The following PTPRM variants were observed in gnomAD, a reference collection of about 807,000 sequenced individuals.
The protein encoded by PTPRM is protein tyrosine phosphatase receptor type M, also known as receptor-type tyrosine-protein phosphatase mu.
PTPRM carries 47 observed loss-of-function variants against 186.7 expected under a neutral mutation model. The observed-to-expected ratio is 0.25, with a 90% confidence interval of 0.20 to 0.32. The LOEUF (loss-of-function observed/expected upper bound fraction) is 0.32, where lower values mean the gene tolerates loss of function less well. Among genes scored for constraint, PTPRM ranks in the 10% least tolerant of loss-of-function variants. The pLI is 1.00. For synonymous variants in PTPRM, 668 were observed against 674.9 expected (o/e 0.99, Z 0.16); for missense variants, 1,494 against 1,865.0 (o/e 0.80, Z 3.66).
At chr18:7,684,480 A>G (rs9962615) in intron 1 of PTPRM, among the ~76,000 whole-genome samples, 1 of 152,084 alleles carries the variant, frequency 6.6e-6, no homozygotes, top group Non-Finnish European at 1.5e-5. Context: ...GAAACTTTAT[A>G]CCTGCTGATT....
intron 19 of PTPRM, among the ~76,000 whole-genome samples, chr18:8,253,984 G>C (rs960510744): frequency 2.0e-5 from 3 of 151,306 alleles, no homozygotes; most frequent in African/African-American, 7.3e-5. Context: ...CCCCATTCTT[G>C]ATCACCTTTC....
At chr18:7,905,791 T>C (rs2049948178) in intron 3 of PTPRM, among the ~76,000 whole-genome samples, 1 of 152,224 alleles carries the variant, frequency 6.6e-6, no homozygotes, top group Non-Finnish European at 1.5e-5. Context: ...CACTGCACTC[T>C]TCTTTCATTA....
At chr18:8,224,303 A>G (rs976747823) in intron 14 of PTPRM, among the ~76,000 whole-genome samples, 2 of 152,242 alleles carry the variant, frequency 1.3e-5, no homozygotes, top group African/African-American at 4.8e-5. Flanking sequence ...CAATCACAAG[A>G]AAAGGGGAAA....
chr18:7,822,770 G>A (rs1234807071), intron 2 of PTPRM, among the ~76,000 whole-genome samples: 1 of 152,116 alleles, frequency 6.6e-6, no homozygotes, highest in Non-Finnish European at 1.5e-5. Context: ...TTTTGTCCCT[G>A]TCACCTGAAA....
chr18:8,125,230 T>C (rs2092302041), intron 13 of PTPRM, among the ~76,000 whole-genome samples: 1 of 149,712 alleles, frequency 6.7e-6, no homozygotes, highest in African/African-American at 2.5e-5. Context: ...AAAAAAGTGC[T>C]CATAAATATT....
chr18:8,369,735 C>T (rs369135504), intron 23 of PTPRM, among the ~76,000 whole-genome samples: 13 of 152,244 alleles, frequency 8.5e-5, no homozygotes, highest in Admixed American at 4.6e-4. Context: ...GCAGGAGGAT[C>T]GCTTGAGGCC....
chr18:8,340,102 G>C (rs911386059), intron 22 of PTPRM, among the ~76,000 whole-genome samples: 6 of 152,220 alleles, frequency 3.9e-5, no homozygotes, highest in Admixed American at 3.3e-4. Flanking sequence ...CCACCACAGT[G>C]ACCAGGCCAG....
chr18:7,801,569 A>G (rs2043970454), intron 2 of PTPRM, among the ~76,000 whole-genome samples: 1 of 152,198 alleles, frequency 6.6e-6, no homozygotes, highest in African/African-American at 2.4e-5. Context: ...AATAACAACA[A>G]AAGTATAGTA....
At chr18:7,745,270 T>G (rs1460256902) in intron 1 of PTPRM, among the ~76,000 whole-genome samples, 1 of 152,168 alleles carries the variant, frequency 6.6e-6, no homozygotes, top group African/African-American at 2.4e-5. Context: ...GGACCATATA[T>G]CTGGCCAGCT....
At chr18:8,375,991 T>G in intron 24 of PTPRM, 55 bp from the exon 25 acceptor site, 2 of 1,533,098 alleles carry the variant, frequency 1.3e-6, no homozygotes, top group Non-Finnish European at 1.8e-6. Context: ...CCCTGCTTAT[T>G]TGTGGTTTGT....
At chr18:7,619,649 C>T (rs973242853) in intron 1 of PTPRM, among the ~76,000 whole-genome samples, 5 of 152,196 alleles carry the variant, frequency 3.3e-5, no homozygotes, top group African/African-American at 4.8e-5. Flanking sequence ...TTCACGCTCT[C>T]GTCATCTGTT....
intron 7 of PTPRM, among the ~76,000 whole-genome samples, chr18:8,022,403 A>G (rs1464073331): frequency 2.0e-5 from 3 of 152,236 alleles, no homozygotes; most frequent in Non-Finnish European, 2.9e-5. Flanking sequence ...CAGAGAAGGC[A>G]TGGAAGCTTG....
intron 19 of PTPRM, among the ~76,000 whole-genome samples, chr18:8,254,694 A>C (rs780214517): frequency 6.6e-6 from 1 of 152,128 alleles, no homozygotes; most frequent in Non-Finnish European, 1.5e-5. Flanking sequence ...ACAACACTTC[A>C]TTTTATGCCC....
chr18:8,201,539 G>A (rs193118866), intron 14 of PTPRM, among the ~76,000 whole-genome samples: 5 of 152,178 alleles, frequency 3.3e-5, no homozygotes, highest in East Asian at 1.9e-4. Flanking sequence ...AACAAAATAC[G>A]ATAGACTGGG....
intron 19 of PTPRM, among the ~76,000 whole-genome samples, chr18:8,278,947 A>G (rs1407351890): frequency 1.3e-5 from 2 of 152,050 alleles, no homozygotes; most frequent in Non-Finnish European, 2.9e-5. Context: ...CAAGAGGGGG[A>G]GGGATAGCAT....
In PTPRM at chr18:8,248,043, G is replaced by T. The variant is rs12964764; in HGVS notation, c.2528-107G>T. The T allele has an allele frequency of 0.26, 352,312 of 1,357,864 alleles. 47,775 individuals carry two copies. Among genetic ancestry groups the T allele is most frequent in the Middle Eastern group, 0.41 (2,272 of 5,580 alleles). 84.1% of individuals were successfully genotyped at this position (1,357,864 alleles called of 1,614,324 possible). A position where few individuals can be genotyped will look rare whatever the true frequency, so the allele number is the denominator to read the frequency against. On this transcript the variant is annotated intron_variant, in intron 16 of 32. Transcript: ENST00000580170. ...TGTTTGAGATGTTGTAACCCAATGCGTTTCTACAGCTTTCTATGCAGAAAA... is the reference window on the plus strand; with the variant it reads ...TGTTTGAGATGTTGTAACCCAATGCTTTTCTACAGCTTTCTATGCAGAAAA...
chr18:8,196,185 C>A lies in PTPRM; in HGVS notation c.2301-47873C>A, dbSNP rs758417983. Among the ~76,000 whole-genome samples, 41 of 152,228 alleles carry A rather than the reference C, an allele frequency of 2.7e-4. 2 individuals are homozygous for A. Among genetic ancestry groups the A allele is most frequent in the Admixed American group, 2.3e-3 (35 of 15,290 alleles). On this transcript the variant is annotated intron_variant, in intron 14 of 32. Coordinates refer to ENST00000580170, the MANE Select transcript of PTPRM (RefSeq NM_001105244.2). The stretch of plus-strand genomic sequence containing the variant: ...GAAGTTTTGTAGGATTATCTTGCCT[C>A]AGCATTTCTTAAGAACTCGGGGAGT...
chr18:8,183,733 C>T (rs1210942392), intron 14 of PTPRM, among the ~76,000 whole-genome samples: 1 of 152,106 alleles, frequency 6.6e-6, no homozygotes, highest in Non-Finnish European at 1.5e-5. Context: ...TCAAAGTTGC[C>T]ACCCTCATGA....
intron 23 of PTPRM, among the ~76,000 whole-genome samples, chr18:8,364,573 A>G (rs544617445): frequency 2.2e-4 from 33 of 152,324 alleles, no homozygotes; most frequent in African/African-American, 7.0e-4. Context: ...GCTGGGCTCT[A>G]TGTGGTAGCT....
Sources: gnomAD v4.1 joint callset for allele counts (sites outside exome capture counted in the v4.1 genomes callset) on GRCh38, gnomAD v4.1.1 for gene constraint, MANE v1.5 for transcripts, NCBI Gene and HGNC (gene_info 2026-07-23, HGNC 2026-07-21) for gene names.